GPC5: variants seen among roughly 807,000 people sequenced by gnomAD.
GPC5 encodes glypican-5.
GPC5 carries 47 observed loss-of-function variants against 53.9 expected under a neutral mutation model. The ratio of observed to expected loss-of-function variants is 0.87; its 90% CI spans 0.69 to 1.11. The LOEUF (loss-of-function observed/expected upper bound fraction) is 1.11, where lower values mean the gene tolerates loss of function less well. Among genes scored for constraint, GPC5 ranks in the 50% most tolerant of loss-of-function variants. The pLI is 0.00. For missense variants in GPC5, 748 were observed against 713.1 expected, an observed-to-expected ratio of 1.05 and a Z score of -0.56; for synonymous variants, 286 against 263.3, an observed-to-expected ratio of 1.09 and a Z score of -0.84.
intron 7 of GPC5, among the ~76,000 whole-genome samples, chr13:92,179,033 A>G (rs1593966451): frequency 6.6e-6 from 1 of 152,354 alleles, no homozygotes; most frequent in East Asian, 1.9e-4. Flanking sequence ...ATCCTAACGT[A>G]GACTATTAGG....
In GPC5 at chr13:91,845,797, G is replaced by A. The variant is rs542109600; in HGVS notation, c.1281-62140G>A. On this transcript the variant is annotated intron_variant, in intron 5 of 7. Transcript: ENST00000377067. Reference sequence around the variant, plus strand: ...AATAACCCTTTTAAGTGTTGTTATCGTTCCTGAAGAGATAAAACTTGGTTA... The same window carrying A: ...AATAACCCTTTTAAGTGTTGTTATCATTCCTGAAGAGATAAAACTTGGTTA... Among the ~76,000 whole-genome samples the A allele has an allele frequency of 3.3e-5, 5 of 152,120 alleles. No individual in the cohort carries two copies. In the East Asian group the frequency reaches 5.8e-4, roughly 18 times the overall value.
chr13:91,812,977 C>T (rs1204162872), intron 5 of GPC5, among the ~76,000 whole-genome samples: 1 of 152,166 alleles, frequency 6.6e-6, no homozygotes, highest in Non-Finnish European at 1.5e-5. Flanking sequence ...CTCTCACATA[C>T]ATTTTACCTG....
chr13:92,731,599 A>AAAAG (rs2139299684), intron 7 of GPC5, among the ~76,000 whole-genome samples: 1 of 151,570 alleles, frequency 6.6e-6, no homozygotes, highest in African/African-American at 2.4e-5. Context: ...GATTAATGGA[A>AAAAG]AAAGAAAATC....
At chr13:92,808,730 A>G (rs1877190676) in intron 7 of GPC5, among the ~76,000 whole-genome samples, 1 of 152,044 alleles carries the variant, frequency 6.6e-6, no homozygotes, top group South Asian at 2.1e-4. Flanking sequence ...CTTGATATTT[A>G]ATTTGGGGCA....
At position 91,853,407 on chromosome 13, in the gene GPC5, GA is replaced by G. The variant is rs550756958; in HGVS notation, c.1281-54527del. ...GGGTAATTTTTTTAAAGAAGCATGA[GA>G]AATTAAGGTACATCTTAGAAAAGTG... On this transcript the variant is annotated intron_variant, in intron 5 of 7. Transcript: ENST00000377067. 7.0e-4 allele frequency among the ~76,000 whole-genome samples: 107 copies of G among 152,014 alleles called. 2 individuals are homozygous for G. In the South Asian group the frequency reaches 0.021, roughly 29 times the overall value.
intron 2 of GPC5, among the ~76,000 whole-genome samples, chr13:91,637,911 A>G (rs2034323676): frequency 6.6e-6 from 1 of 152,236 alleles, no homozygotes; most frequent in African/African-American, 2.4e-5. Flanking sequence ...GCTGTCAGCC[A>G]TTGCTTCTCC....
chr13:92,203,811 A>C (rs1419974823), intron 7 of GPC5, among the ~76,000 whole-genome samples: 1 of 151,494 alleles, frequency 6.6e-6, no homozygotes, highest in Non-Finnish European at 1.5e-5. Context: ...GGCAGAATAA[A>C]TAAAAAGACA....
At chr13:91,715,888 C>T (rs1333342608) in intron 3 of GPC5, among the ~76,000 whole-genome samples, 2 of 151,982 alleles carry the variant, frequency 1.3e-5, no homozygotes. Context: ...ATCCTCCCAC[C>T]TCAGCCTCCT....
chr13:92,484,410 G>T (rs1435771215), intron 7 of GPC5, among the ~76,000 whole-genome samples: 2 of 152,152 alleles, frequency 1.3e-5, no homozygotes, highest in Admixed American at 6.5e-5. Context: ...CAGTAGCTTA[G>T]TCATGTATTA....
chr13:92,670,719 A>G lies in GPC5; in HGVS notation c.1562-195563A>G, dbSNP rs182017473. ...TCTGCCCAGCATTTAAGAAGATATC[A>G]GCCTGTTCTCCAAGTGTCCAGTCCT... On this transcript the variant is annotated intron_variant, in intron 7 of 7. Coordinates refer to ENST00000377067, the MANE Select transcript of GPC5 (RefSeq NM_004466.6). Among the ~76,000 whole-genome samples, 50 of 152,304 alleles carry G rather than the reference A, an allele frequency of 3.3e-4. 1 individual carries two copies. The South Asian group carries it at 7.5e-3, about 23-fold the overall frequency.
chr13:91,571,874 TAC>T lies in GPC5; in HGVS notation c.326-121307_326-121306del, dbSNP rs1310480915. On this transcript the variant is annotated intron_variant, in intron 2 of 7. Coordinates refer to ENST00000377067, the MANE Select transcript of GPC5 (RefSeq NM_004466.6). ...ATACACATATACGTGTGTGTATATA[TAC>T]ACACATATACGTGTGTATATACACA... Among the ~76,000 whole-genome samples, 46 of 108,538 alleles carry T rather than the reference TAC, an allele frequency of 4.2e-4. 12 individuals carry two copies. Among genetic ancestry groups the T allele is most frequent in the African/African-American group, 1.8e-3 (42 of 23,844 alleles). 71.2% of individuals were successfully genotyped at this position (108,538 alleles called of 152,430 possible).
intron 5 of GPC5, among the ~76,000 whole-genome samples, chr13:91,835,704 G>C (rs1300414159): frequency 1.3e-5 from 2 of 151,694 alleles, no homozygotes; most frequent in African/African-American, 4.8e-5. Context: ...TGGACACAGG[G>C]AGGGGAACAT....
At chr13:91,954,259 T>G (rs1244791797) in intron 6 of GPC5, among the ~76,000 whole-genome samples, 1 of 152,128 alleles carries the variant, frequency 6.6e-6, no homozygotes, top group East Asian at 1.9e-4. Context: ...ATAATTTAAA[T>G]TAAAGAATGT....
At chr13:91,882,835 C>A (rs1048386003) in intron 5 of GPC5, among the ~76,000 whole-genome samples, 16 of 151,460 alleles carry the variant, frequency 1.1e-4, no homozygotes, top group Admixed American at 5.3e-4. Flanking sequence ...AAAGTTATTG[C>A]AGTTTTTGCT....
At chr13:92,264,367 G>A (rs2042786493) in intron 7 of GPC5, among the ~76,000 whole-genome samples, 1 of 152,092 alleles carries the variant, frequency 6.6e-6, no homozygotes, top group African/African-American at 2.4e-5. Flanking sequence ...CTGGAAATAG[G>A]CAAAAGAGAG....
intron 6 of GPC5, chr13:91,995,128 C>T (rs146818417): frequency 0.038 from 5,812 of 152,098 alleles, 158 homozygotes; most frequent in Middle Eastern, 0.061. Context: ...CCCACCACCA[C>T]GCCCAGCTAA....
chr13:92,134,767 C>T (rs2093277681), intron 6 of GPC5, among the ~76,000 whole-genome samples: 1 of 152,020 alleles, frequency 6.6e-6, no homozygotes, highest in South Asian at 2.1e-4. Context: ...CTTATATTGG[C>T]AATGTATCAT....
intron 7 of GPC5, among the ~76,000 whole-genome samples, chr13:92,664,223 G>A (rs2139192972): frequency 6.6e-6 from 1 of 152,056 alleles, no homozygotes; most frequent in East Asian, 1.9e-4. Flanking sequence ...AAATACCATG[G>A]TGAGCACAAG....
chr13:92,358,644 C>G (rs2043541937), intron 7 of GPC5, among the ~76,000 whole-genome samples: 1 of 151,868 alleles, frequency 6.6e-6, no homozygotes, highest in South Asian at 2.1e-4. Context: ...CTCTTGCTCT[C>G]TGTGCACCTA....
Sources: gnomAD v4.1 joint callset for allele counts (sites outside exome capture counted in the v4.1 genomes callset) on GRCh38, gnomAD v4.1.1 for gene constraint, MANE v1.5 for transcripts, NCBI Gene and HGNC (gene_info 2026-07-23, HGNC 2026-07-21) for gene names.